The following NOTCH4 variants were observed in gnomAD, a reference collection of about 807,000 sequenced individuals.
The protein encoded by NOTCH4 is neurogenic locus notch homolog protein 4.
A neutral mutation model predicts 189.0 loss-of-function variants in NOTCH4; 138 were observed. That is an observed-to-expected ratio of 0.73 (90% CI 0.64 to 0.84). The LOEUF (loss-of-function observed/expected upper bound fraction) is 0.84, where lower values mean the gene tolerates loss of function less well. Ranked by LOEUF, NOTCH4 falls within the 40% of genes least tolerant of loss-of-function variation. The probability of loss-of-function intolerance (pLI) is 0.00; values close to 1 mark genes in which losing one functional copy is unlikely to be tolerated. For missense variants in NOTCH4, 2,286 were observed against 2,605.4 expected (o/e 0.88, Z 2.67); for synonymous variants, 942 against 1,032.8 (o/e 0.91, Z 1.69).
At chr6:32,223,832 C>T (rs1210859204) in intron 1 of NOTCH4, 24 bp downstream of exon 1, 2 of 1,601,772 alleles carry the variant, frequency 1.2e-6, no homozygotes, top group Non-Finnish European at 1.7e-6. Flanking sequence ...TGGGTCCCCT[C>T]ACCTCACCCA....
At position 32,198,634 on chromosome 6, in the gene NOTCH4, C is replaced by G. The variant is rs1452865191; in HGVS notation, c.4617+15G>C. 1 of 1,610,858 alleles carries G rather than the reference C, an allele frequency of 6.2e-7. No individual in the cohort carries two copies. Among genetic ancestry groups the G allele is most frequent in the East Asian group, 2.2e-5 (1 of 44,888 alleles). On this transcript the variant is annotated intron_variant, in intron 25 of 29. Transcript: ENST00000375023. This position sits in a 1 kb window ranked among gnomAD's most constrained non-coding sequence, Gnocchi z 5.5. ...TTCCATCACCTCCAGACCATTCTTGCCCCAGCCCTTTCACCTGGCCCACCT... is the reference window on the plus strand; with the variant it reads ...TTCCATCACCTCCAGACCATTCTTGGCCCAGCCCTTTCACCTGGCCCACCT...
chr6:32,212,929 A>T lies in NOTCH4; in HGVS notation c.2439-18T>A. 1 of 1,554,758 alleles carries T rather than the reference A, an allele frequency of 6.4e-7. No homozygotes were observed. Among genetic ancestry groups the T allele is most frequent in the Non-Finnish European group, 8.7e-7 (1 of 1,147,724 alleles). On this transcript the variant is annotated intron_variant, in intron 15 of 29. Transcript: ENST00000375023. The surrounding 1 kb of genome is among the most constrained non-coding windows in gnomAD (Gnocchi z 4.4). ...TACAGGGGCTGAACAAGACAGAGAC[A>T]GGGCATGATAGGAAGAAGTTCGGGC...
At position 32,204,057 on chromosome 6, in the gene NOTCH4, T is replaced by C; in HGVS notation, c.3118+80A>G. On this transcript the variant is annotated intron_variant, in intron 19 of 29. Transcript: ENST00000375023. Reference sequence around the variant, plus strand: ...GATGGACCAGGTGACGGCTGCCGCATGGGTGGAGACTATCTGGCTCTCCAT... The same window carrying C: ...GATGGACCAGGTGACGGCTGCCGCACGGGTGGAGACTATCTGGCTCTCCAT... 6 of 1,567,552 alleles carry C rather than the reference T, an allele frequency of 3.8e-6. No homozygotes were observed. The South Asian group carries it at 6.9e-5, about 18-fold the overall frequency.
chr6:32,222,123 T>C (rs145490504), intron 3 of NOTCH4, among the ~76,000 whole-genome samples: 1 of 152,126 alleles, frequency 6.6e-6, no homozygotes, highest in Non-Finnish European at 1.5e-5. Context: ...CCAGGTGATA[T>C]AATGGCTCCC....
chr6:32,222,536 C>G lies in NOTCH4; in HGVS notation c.426G>C (p.Gln142His). The change falls in exon 3 of 30, where the codon CAG (glutamine) becomes CAC (histidine). Residue 142 changes from glutamine (Q) to histidine (H), a missense_variant. By Grantham distance (24) the Gln-to-His change is conservative. Around this residue, in one of 2 missense-constraint regions of NOTCH4, gnomAD observed 1,903 missense variants for 2,261.9 expected, o/e 0.84. Transcript: ENST00000375023. Reference protein sequence around the residue: ...RCHIQASGRPQCSCMPGWTGE... With the variant: ...RCHIQASGRPHCSCMPGWTGE... ...CTGTCCATCCAGGCATGCAGGAGCA[C>G]TGTGGGCGGCCCGAGGCCTGGATGT... 6.4e-7 allele frequency: 1 copy of G among 1,553,920 alleles called. No homozygotes were observed. Among genetic ancestry groups the G allele is most frequent in the Non-Finnish European group, 8.7e-7 (1 of 1,155,246 alleles).
rs1789857130 is a variant in NOTCH4, at chr6:32,222,652, T to A, written c.310A>T (p.Thr104Ser). 1 of 1,607,052 alleles carries A rather than the reference T, an allele frequency of 6.2e-7. No homozygotes were observed. Residue 104 changes from threonine to serine, a missense_variant, in exon 3 of 30, where the codon ACT (threonine) becomes TCT (serine). By Grantham distance (58) the Thr-to-Ser change is moderately conservative (BLOSUM62 1). This residue lies in a region of NOTCH4 where 1,903 missense variants were observed against 2,261.9 expected (regional missense o/e 0.84). Transcript: ENST00000375023. ...TCACCAGTGAAGCCAGGGAGGCAAG[T>A]GCACAAGAAGCTGGGTGTCAATGGA... is the stretch of plus-strand genomic sequence containing the variant. ...PSPLTPSFLC[T>S]CLPGFTGERC...
Position 32,200,249 on chromosome 6 carries a change from C to T in NOTCH4, c.4315+582G>A, listed in dbSNP as rs904684673. ...TTTTTGAGATGGAGTCTCCCTCTGT[C>T]GCCCAGGCTGGAGTGCAGTGGCGCG... On this transcript the variant is annotated intron_variant, in intron 23 of 29. Coordinates refer to ENST00000375023, the MANE Select transcript of NOTCH4 (RefSeq NM_004557.4). The surrounding 1 kb of genome is among the most constrained non-coding windows in gnomAD (Gnocchi z 5.0). Among the ~76,000 whole-genome samples, 3 of 149,916 alleles carry T rather than the reference C, an allele frequency of 2.0e-5. No individual in the cohort carries two copies. Among genetic ancestry groups the T allele is most frequent in the Non-Finnish European group, 4.4e-5 (3 of 67,706 alleles).
At position 32,195,947 on chromosome 6, in the gene NOTCH4, G is replaced by A. The variant is rs2127458812; in HGVS notation, c.5502C>T (p.Gly1834=). 1 of 1,592,026 alleles carries A rather than the reference G, an allele frequency of 6.3e-7. No individual in the cohort carries two copies. The highest frequency in any genetic ancestry group is 8.5e-7 in the Non-Finnish European group (1 of 1,176,220). The change falls in exon 30 of 30, where the codon GGC becomes GGT. Residue 1834 remains glycine, a synonymous_variant. Transcript: ENST00000375023. This position sits in a 1 kb window ranked among gnomAD's most constrained non-coding sequence, Gnocchi z 5.4. ...PPEARHKATP[G]REAGPFPRAR... is the part of the protein sequence containing the mutation. ...CGCGCGGGAAGGGCCCAGCCTCGCGGCCCGGCGTGGCTTTGTGACGGGCCT... is the reference window on the plus strand; with the variant it reads ...CGCGCGGGAAGGGCCCAGCCTCGCGACCCGGCGTGGCTTTGTGACGGGCCT...
At position 32,195,831 on chromosome 6, in the gene NOTCH4, C is replaced by T. The variant is rs748829728; in HGVS notation, c.5618G>A (p.Gly1873Asp). Residue 1873 changes from glycine (G) to aspartate (D), a missense_variant, in exon 30 of 30, where the codon GGC becomes GAC. Transcript: ENST00000375023. The surrounding 1 kb of genome is among the most constrained non-coding windows in gnomAD (Gnocchi z 5.4). The part of the protein sequence containing the change: ...TLSAGAGPRG[G>D]GACLQARTWS... Reference sequence around the variant, plus strand: ...AGTCCGAGCCTGCAGACAAGCTCCGCCCCCACGAGGGCCTGCTCCGGCTGA... The same window carrying T: ...AGTCCGAGCCTGCAGACAAGCTCCGTCCCCACGAGGGCCTGCTCCGGCTGA... The T allele has an allele frequency of 3.1e-6, 5 of 1,598,916 alleles. No individual in the cohort carries two copies. The highest frequency in any genetic ancestry group is 1.7e-4 in the Middle Eastern group (1 of 6,048).
chr6:32,223,130 G>T, intron 1 of NOTCH4, 44 bp from the exon 2 acceptor site: 1 of 1,468,512 alleles, frequency 6.8e-7, no homozygotes, highest in Non-Finnish European at 9.5e-7. Context: ...TGGGTGCTGT[G>T]CCTCCACCTT....
intron 14 of NOTCH4, 102 bp downstream of exon 14, chr6:32,213,586 T>C: frequency 7.4e-7 from 1 of 1,343,050 alleles, no homozygotes; most frequent in Non-Finnish European, 1.0e-6. Context: ...TTTCCCAGGC[T>C]GGTCTGTTCA....
At chr6:32,219,265 C>A (rs1355997310) in intron 8 of NOTCH4, among the ~76,000 whole-genome samples, 1 of 152,158 alleles carries the variant, frequency 6.6e-6, no homozygotes, top group Non-Finnish European at 1.5e-5. Flanking sequence ...AAGGCTGCAG[C>A]ACAGAAAGTT....
At position 32,210,121 on chromosome 6, in the gene NOTCH4, C is replaced by A. The variant is rs1200667116; in HGVS notation, c.2865+631G>T. Among the ~76,000 whole-genome samples the A allele has an allele frequency of 6.6e-6, 1 of 152,110 alleles. No individual in the cohort carries two copies. The highest frequency in any genetic ancestry group is 2.4e-5 in the African/African-American group (1 of 41,424). Reference sequence around the variant, plus strand: ...ATCCAGCCTGGGGAGAAGTTAGGGACATCTTCCTGAAGAAGATGCCTCCTG... The same window carrying A: ...ATCCAGCCTGGGGAGAAGTTAGGGAAATCTTCCTGAAGAAGATGCCTCCTG... On this transcript the variant is annotated intron_variant, in intron 18 of 29. Coordinates refer to ENST00000375023, the MANE Select transcript of NOTCH4 (RefSeq NM_004557.4). This position sits in a 1 kb window ranked among gnomAD's most constrained non-coding sequence, Gnocchi z 4.8.
rs535178795 is a variant in NOTCH4 at position 32,198,533 on chromosome 6, C to T, written c.4644G>A (p.Thr1548=). 10 of 1,612,958 alleles carry T rather than the reference C, an allele frequency of 6.2e-6. No homozygotes were observed. The highest frequency in any genetic ancestry group is 4.2e-6 in the Non-Finnish European group (5 of 1,179,996). The change falls in exon 26 of 30, where the codon ACG becomes ACA. Residue 1548 remains threonine, a synonymous_variant. Transcript: ENST00000375023. The surrounding 1 kb of genome is among the most constrained non-coding windows in gnomAD (Gnocchi z 5.5). ...GQAEETGPPS[T]CQLWSLSGGC... ...CACCACTCAGAGACCAGAGCTGGCA[C>T]GTGGAGGGTGGGCCTGTTTCTTCAG...
rs1789112164 is a variant in NOTCH4 at position 32,212,835 on chromosome 6, C to T, written c.2515G>A (p.Gly839Ser). 1 of 1,540,782 alleles carries T rather than the reference C, an allele frequency of 6.5e-7. No individual in the cohort carries two copies. The highest frequency in any genetic ancestry group is 8.8e-7 in the Non-Finnish European group (1 of 1,142,382). Residue 839 changes from glycine (G) to serine (S), a missense_variant, in exon 16 of 30, where the codon GGC (glycine) becomes AGC (serine). By Grantham distance (56) the Gly-to-Ser change is moderately conservative. Transcript: ENST00000375023. The surrounding 1 kb of genome is among the most constrained non-coding windows in gnomAD (Gnocchi z 4.4). The stretch of plus-strand genomic sequence containing the variant: ...TCAATGGCCCTCACCTGGCAGCTGC[C>T]TCCGGTGTAGCCAGTGGGGCAGAGG... ...RCLCPTGYTG[G>S]SCQTLMDLCA...
At position 32,198,848 on chromosome 6, in the gene NOTCH4, TTTC is replaced by T; in HGVS notation, c.4535+75_4535+77del. 1.4e-6 allele frequency: 2 copies of T among 1,463,542 alleles called. No individual in the cohort carries two copies. Among genetic ancestry groups the T allele is most frequent in the Admixed American group, 2.2e-5 (1 of 45,292 alleles). The allele number at this position is 1,463,542 out of a possible 1,614,324, so 90.7% of individuals were successfully genotyped here. A position where few individuals can be genotyped will look rare whatever the true frequency, so the allele number is the denominator to read the frequency against. On this transcript the variant is annotated intron_variant, in intron 24 of 29. Coordinates refer to ENST00000375023, the MANE Select transcript of NOTCH4 (RefSeq NM_004557.4). The surrounding 1 kb of genome is among the most constrained non-coding windows in gnomAD (Gnocchi z 5.5). ...CCTATCTTTGACTTCTGCAATAGTA[TTTC>T]TTATCTTTTCTGATTGTAAATATCG...
Position 32,221,350 on chromosome 6 carries a change from G to A in NOTCH4, c.452-25C>T, listed in dbSNP as rs1303522248. 5.1e-6 allele frequency: 8 copies of A among 1,574,098 alleles called. No homozygotes were observed. The Middle Eastern group carries it at 5.1e-4, about 100-fold the overall frequency. On this transcript the variant is annotated intron_variant, in intron 3 of 29. Transcript: ENST00000375023. This position sits in a 1 kb window ranked among gnomAD's most constrained non-coding sequence, Gnocchi z 4.3. The stretch of plus-strand genomic sequence containing the variant: ...CCTGAGGCAGAGGACAGAGGGAGCC[G>A]TTTCTAGCATTGTACGAATTCTAGC...
In NOTCH4 at chr6:32,204,340, C is replaced by A; in HGVS notation, c.2915G>T (p.Cys972Phe). Residue 972 changes from cysteine to phenylalanine, a missense_variant, in exon 19 of 30, where the codon TGT (cysteine) becomes TTT (phenylalanine). Transcript: ENST00000375023. ...ATGGTTGTGACAGGGTTGGGACTGA[C>A]AAGCATCGAGTTCCTTTGAGCAGTT... ...GQNCSKELDA[C>F]QSQPCHNHGT... 1 of 1,613,094 alleles carries A rather than the reference C, an allele frequency of 6.2e-7. No individual in the cohort carries two copies. The highest frequency in any genetic ancestry group is 8.5e-7 in the Non-Finnish European group (1 of 1,180,034).
rs1366333651 is a variant in NOTCH4 at position 32,220,177 on chromosome 6, C to T, written c.1267G>A (p.Gly423Ser). 3.7e-6 allele frequency: 6 copies of T among 1,613,894 alleles called. No individual in the cohort carries two copies. Among genetic ancestry groups the T allele is most frequent in the Non-Finnish European group, 2.5e-6 (3 of 1,179,950 alleles). ...TGSTLCLCQP[G>S]YSGPTCHQDL... is the part of the protein sequence containing the mutation. ...TGGTGGCAGGTGGGCCCCGAATAGCCAGGCTGACACAGGCAGAGTGTGGAG... is the reference window on the plus strand; with the variant it reads ...TGGTGGCAGGTGGGCCCCGAATAGCTAGGCTGACACAGGCAGAGTGTGGAG... The change falls in exon 7 of 30, where the codon GGC becomes AGC. Residue 423 changes from glycine (G) to serine (S), a missense_variant. Physicochemically the swap from Gly to Ser is moderately conservative, Grantham distance 56. Coordinates refer to ENST00000375023, the MANE Select transcript of NOTCH4 (RefSeq NM_004557.4).
Sources: allele counts gnomAD v4.1 joint callset (sites outside exome capture counted in the v4.1 genomes callset), GRCh38; gene constraint gnomAD v4.1.1; regional missense constraint gnomAD v4.1.1; non-coding constraint Gnocchi (gnomAD v3.1); transcripts MANE v1.5; gene names NCBI Gene and HGNC (gene_info 2026-07-23, HGNC 2026-07-21).